SLC35D1: variants seen among roughly 807,000 people sequenced by gnomAD.
SLC35D1 encodes nucleotide sugar transporter SLC35D1.
A neutral mutation model predicts 46.7 loss-of-function variants in SLC35D1; 31 were observed. That is an observed-to-expected ratio of 0.66 (90% CI 0.50 to 0.90). The LOEUF (loss-of-function observed/expected upper bound fraction) is 0.90. Among genes scored for constraint, SLC35D1 ranks in the 40% least tolerant of loss-of-function variants. The pLI, the probability that SLC35D1 is intolerant of heterozygous loss-of-function variation, is 0.00. For synonymous variants in SLC35D1, 195 were observed against 164.6 expected, an observed-to-expected ratio of 1.18 and a Z score of -1.41; for missense variants, 397 against 426.2, an observed-to-expected ratio of 0.93 and a Z score of 0.60.
chr1:66,990,302 T>C, the SLC35D1 span, among the ~76,000 whole-genome samples: 1 of 152,196 alleles, frequency 6.6e-6, no homozygotes, highest in Non-Finnish European at 1.5e-5. Flanking sequence ...GGAGACAACG[T>C]CTTGCTCTGT....
At chr1:66,990,151 A>G in the SLC35D1 span, among the ~76,000 whole-genome samples, 3 of 152,186 alleles carry the variant, frequency 2.0e-5, no homozygotes, top group African/African-American at 7.2e-5. Flanking sequence ...ATCCTGAATT[A>G]TAAGCTTTAT....
At chr1:66,998,127 C>A (rs1667263510), downstream of SLC35D1, among the ~76,000 whole-genome samples, 1 of 151,864 alleles carries the variant, frequency 6.6e-6, no homozygotes, top group Admixed American at 6.6e-5. Context: ...CTAGTGGTTT[C>A]TCAAAAAAAT....
intron 10 of SLC35D1, among the ~76,000 whole-genome samples, chr1:67,014,439 A>G (rs1310466028): frequency 6.6e-6 from 1 of 152,096 alleles, no homozygotes; most frequent in Non-Finnish European, 1.5e-5. Flanking sequence ...TCTTATGGCT[A>G]AAATTTAAAA....
At chr1:66,988,261 T>C in the SLC35D1 span, 1 of 152,348 alleles carries the variant, frequency 6.6e-6, no homozygotes, top group African/African-American at 2.4e-5. Flanking sequence ...AATGACTCTC[T>C]TCTCTCAAAA....
chr1:67,004,860 G>A (rs1459268306), intron 11 of SLC35D1, among the ~76,000 whole-genome samples: 1 of 151,988 alleles, frequency 6.6e-6, no homozygotes, highest in Non-Finnish European at 1.5e-5. Flanking sequence ...CGAAAAATAG[G>A]CATTAATAGG....
intron 10 of SLC35D1, among the ~76,000 whole-genome samples, chr1:67,017,512 C>T (rs923427298): frequency 1.4e-4 from 22 of 152,076 alleles, no homozygotes; most frequent in African/African-American, 5.1e-4. Flanking sequence ...ACAACGTAAA[C>T]TTCAGGAAAA....
chr1:67,004,591 G>A (rs1667408931), intron 11 of SLC35D1, 143 bp from the exon 12 acceptor site: 1 of 698,326 alleles, frequency 1.4e-6, no homozygotes, highest in Non-Finnish European at 2.5e-6. Context: ...GAAGTACTAT[G>A]CATCCATTAA....
the SLC35D1 span, chr1:66,984,693 T>C: frequency 1.1e-5 from 17 of 1,613,860 alleles, no homozygotes; most frequent in Admixed American, 2.3e-4. Flanking sequence ...TGGATACTAA[T>C]GGTTATGAAA....
At chr1:66,982,423 T>C in the SLC35D1 span, among the ~76,000 whole-genome samples, 2 of 152,204 alleles carry the variant, frequency 1.3e-5, no homozygotes, top group Non-Finnish European at 2.9e-5. Context: ...ATATTTGTTT[T>C]TCTCTCCAAG....
chr1:67,011,498 T>A (rs904522606), intron 10 of SLC35D1, among the ~76,000 whole-genome samples: 1 of 152,178 alleles, frequency 6.6e-6, no homozygotes, highest in Non-Finnish European at 1.5e-5. Context: ...TTTTTCATTT[T>A]TTGCCACCAG....
chr1:66,975,536 GAAAA>G, the SLC35D1 span, among the ~76,000 whole-genome samples: 11 of 141,152 alleles, frequency 7.8e-5, no homozygotes, highest in African/African-American at 2.5e-4. Context: ...AAAAAAAAAA[GAAAA>G]AGAAAGGAAA....
chr1:66,978,109 T>C, the SLC35D1 span, among the ~76,000 whole-genome samples: 1 of 151,726 alleles, frequency 6.6e-6, no homozygotes, highest in Non-Finnish European at 1.5e-5. Context: ...GGCAGAAGAA[T>C]TGCTTGAACC....
Position 67,004,457 on chromosome 1 carries a change from CAGAA to C in SLC35D1, c.960-13_960-10del. ...CCAGGCTCCCAGCAATGCTGCAAAA[CAGAA>C]AGCCACTATCAGAGATGGAGGAAGG... On this transcript the variant is annotated splice_polypyrimidine_tract_variant and intron_variant, in intron 11 of 11. Transcript: ENST00000235345. The C allele has an allele frequency of 1.2e-6, 2 of 1,612,078 alleles. No homozygotes were observed. Among genetic ancestry groups the C allele is most frequent in the Non-Finnish European group, 8.5e-7 (1 of 1,178,300 alleles).
At position 67,050,515 on chromosome 1, in the gene SLC35D1, A is replaced by G. The variant is rs765411904; in HGVS notation, c.393-11T>C. 3 of 1,608,150 alleles carry G rather than the reference A, an allele frequency of 1.9e-6. No individual in the cohort carries two copies. Among genetic ancestry groups the G allele is most frequent in the Non-Finnish European group, 1.7e-6 (2 of 1,175,428 alleles). Reference sequence around the variant, plus strand: ...GTAAACATTGGCAAGCTGGAAAAAAAAAAGATAATTAGGTAAAATAGAATT... The same window carrying G: ...GTAAACATTGGCAAGCTGGAAAAAAGAAAGATAATTAGGTAAAATAGAATT... On this transcript the variant is annotated splice_polypyrimidine_tract_variant and intron_variant, in intron 4 of 11. Coordinates refer to ENST00000235345, the MANE Select transcript of SLC35D1 (RefSeq NM_015139.3).
chr1:67,043,929 C>T (rs1436522553), intron 7 of SLC35D1, among the ~76,000 whole-genome samples: 5 of 152,132 alleles, frequency 3.3e-5, no homozygotes, highest in Non-Finnish European at 7.4e-5. Context: ...AGGATGGGGG[C>T]ATAACACTTG....
intron 8 of SLC35D1, among the ~76,000 whole-genome samples, chr1:67,032,944 T>A (rs889323817): frequency 2.4e-4 from 37 of 152,272 alleles, no homozygotes; most frequent in African/African-American, 8.9e-4. Flanking sequence ...TCTATCTCCA[T>A]CAGATCAATT....
At chr1:66,987,587 T>A in the SLC35D1 span, 1 of 152,634 alleles carries the variant, frequency 6.6e-6, no homozygotes, top group Non-Finnish European at 1.5e-5. Flanking sequence ...CATAGTAATT[T>A]TGCACTGTAA....
intron 8 of SLC35D1, among the ~76,000 whole-genome samples, chr1:67,022,206 C>T (rs536191244): frequency 9.2e-5 from 14 of 152,312 alleles, no homozygotes; most frequent in African/African-American, 3.4e-4. Context: ...CTGATCATCT[C>T]ATCTCTTGTC....
chr1:67,053,006 G>A lies in SLC35D1; in HGVS notation c.204-17C>T. On this transcript the variant is annotated splice_polypyrimidine_tract_variant and intron_variant, in intron 1 of 11. Coordinates refer to ENST00000235345, the MANE Select transcript of SLC35D1 (RefSeq NM_015139.3). ...GAGGGAAATCTACAAAAAGGGCAAA[G>A]AAAAAAACAAGATCAGAACAAACCT... The A allele has an allele frequency of 6.2e-7, 1 of 1,613,696 alleles. No homozygotes were observed. The highest frequency in any genetic ancestry group is 1.3e-5 in the African/African-American group (1 of 75,010).
Sources: gnomAD v4.1 joint callset for allele counts (sites outside exome capture counted in the v4.1 genomes callset) on GRCh38, gnomAD v4.1.1 for gene constraint, MANE v1.5 for transcripts, NCBI Gene and HGNC (gene_info 2026-07-23, HGNC 2026-07-21) for gene names.